PMS2: variants seen among roughly 807,000 people sequenced by gnomAD.
PMS2 encodes the protein PMS1 homolog 2, mismatch repair system component.
A neutral mutation model predicts 90.0 loss-of-function variants in PMS2; 69 were observed. That is an observed-to-expected ratio of 0.77 (90% CI 0.63 to 0.94). The LOEUF is 0.94. PMS2 is among the 40% of genes least tolerant of loss of function. The pLI is 0.00. For synonymous variants in PMS2, 332 were observed against 375.1 expected (o/e 0.89, Z 1.33); for missense variants, 966 against 1,040.2 (o/e 0.93, Z 0.98).
At chr7:5,993,862 CAAAAAAAAAAAAAAA>C (rs61677497) in intron 8 of PMS2, among the ~76,000 whole-genome samples, 2 of 38,940 alleles carry the variant, frequency 5.1e-5, no homozygotes, top group East Asian at 2.0e-3. Context: ...GACTCTGTCT[CAAAAAAAAAAAAAAA>C]AAAAAAAAAA....
intron 8 of PMS2, among the ~76,000 whole-genome samples, chr7:5,992,714 A>C (rs2128759934): frequency 6.6e-6 from 1 of 152,332 alleles, no homozygotes; most frequent in South Asian, 2.1e-4. Flanking sequence ...GTTTTGACAT[A>C]TACACAAACA....
In PMS2 at chr7:5,997,427, A is replaced by G. The variant is rs769605987; in HGVS notation, c.706-4T>C. On this transcript the variant is annotated splice_region_variant and splice_polypyrimidine_tract_variant and intron_variant, in intron 6 of 14. Transcript: ENST00000265849. ...CAAAAGGAATGAGGCTTTGCAACTGAAAAAAAAAAAAAAAAATTCACAGTT... is the reference window on the plus strand; with the variant it reads ...CAAAAGGAATGAGGCTTTGCAACTGGAAAAAAAAAAAAAAAATTCACAGTT... The G allele has an allele frequency of 3.5e-5, 4 of 115,540 alleles. No individual in the cohort carries two copies. Among genetic ancestry groups the G allele is most frequent in the Non-Finnish European group, 4.9e-5 (4 of 81,772 alleles). 7.2% of individuals were successfully genotyped at this position (115,540 alleles called of 1,614,324 possible). A position where few individuals can be genotyped will look rare whatever the true frequency, so the allele number is the denominator to read the frequency against.
intron 1 of PMS2, among the ~76,000 whole-genome samples, chr7:6,006,447 T>C (rs1343198203): frequency 1.3e-5 from 2 of 151,904 alleles, no homozygotes; most frequent in African/African-American, 4.8e-5. Flanking sequence ...AGGTCAGGAG[T>C]TCGACACCAG....
intron 6 of PMS2, among the ~76,000 whole-genome samples, chr7:5,998,764 G>A (rs1784731790): frequency 6.6e-6 from 1 of 151,452 alleles, no homozygotes; most frequent in African/African-American, 2.4e-5. Context: ...GGCCGAGGCT[G>A]GTGGATCACG....
intron 6 of PMS2, 113 bp from the exon 7 acceptor site, chr7:5,997,536 A>G: frequency 2.8e-6 from 2 of 705,144 alleles, no homozygotes; most frequent in South Asian, 3.4e-5. Context: ...AAAAATTAAA[A>G]GAATCTTTTG....
chr7:6,005,906 C>G lies in PMS2; in HGVS notation c.149G>C (p.Gly50Ala), dbSNP rs539285592. The change falls in exon 2 of 15, where the codon GGT becomes GCT. Residue 50 changes from glycine to alanine, a missense_variant. Physicochemically the swap from Gly to Ala is moderately conservative, Grantham distance 60 (BLOSUM62 0). Around this residue, in one of 2 missense-constraint regions of PMS2, gnomAD observed 871 missense variants for 802.4 expected, o/e 1.09. Coordinates refer to ENST00000265849, the MANE Select transcript of PMS2 (RefSeq NM_000535.7). ...KELVENSLDAGATNIDLKLKD... is the reference protein window; with the variant it reads ...KELVENSLDAAATNIDLKLKD... ...CCCAAACTTACCAATATTAGTGGCACCAGCATCCAGACTGTTTTCTACTAA... is the reference window on the plus strand; with the variant it reads ...CCCAAACTTACCAATATTAGTGGCAGCAGCATCCAGACTGTTTTCTACTAA... 1 of 1,610,834 alleles carries G rather than the reference C, an allele frequency of 6.2e-7. No individual in the cohort carries two copies. The highest frequency in any genetic ancestry group is 8.5e-7 in the Non-Finnish European group (1 of 1,179,850).
intron 12 of PMS2, among the ~76,000 whole-genome samples, chr7:5,979,489 G>GGATA (rs1199516796): frequency 6.1e-4 from 91 of 149,904 alleles, no homozygotes; most frequent in African/African-American, 2.1e-3. Context: ...CTTTCCTTAA[G>GGATA]GATAACAGTA....
Position 6,005,901 on chromosome 7 carries a change from T to G in PMS2, c.154A>C (p.Thr52Pro). 6.2e-7 allele frequency: 1 copy of G among 1,610,846 alleles called. No individual in the cohort carries two copies. Among genetic ancestry groups the G allele is most frequent in the South Asian group, 1.1e-5 (1 of 90,990 alleles). Residue 52 changes from threonine (T) to proline (P), a missense_variant, in exon 2 of 15, where the codon ACT (threonine) becomes CCT (proline). Transcript: ENST00000265849. Reference protein sequence around the residue: ...LVENSLDAGATNIDLKLKDYG... With the variant: ...LVENSLDAGAPNIDLKLKDYG... ...ACTCTCCCAAACTTACCAATATTAG[T>G]GGCACCAGCATCCAGACTGTTTTCT... is the stretch of plus-strand genomic sequence containing the variant.
intron 5 of PMS2, among the ~76,000 whole-genome samples, chr7:6,001,678 T>G (rs1421652961): frequency 6.6e-6 from 1 of 152,036 alleles, no homozygotes; most frequent in Admixed American, 6.5e-5. Context: ...CGAGAAATAT[T>G]CTTATTAAAA....
At chr7:6,003,869 G>A (rs1785399606) in intron 3 of PMS2, 77 bp from the exon 4 acceptor site, 7 of 1,271,146 alleles carry the variant, frequency 5.5e-6, no homozygotes, top group Middle Eastern at 1.9e-4. Flanking sequence ...TCTAGTAACT[G>A]GCTTTAAAAA....
intron 1 of PMS2, among the ~76,000 whole-genome samples, chr7:6,008,278 G>C (rs1478689096): frequency 6.6e-6 from 1 of 152,114 alleles, no homozygotes; most frequent in East Asian, 1.9e-4. Flanking sequence ...AATGCAGAGA[G>C]CAAATTTGCG....
Position 6,005,901 on chromosome 7 carries a change from T to C in PMS2, c.154A>G (p.Thr52Ala). The C allele has an allele frequency of 6.2e-7, 1 of 1,610,846 alleles. No homozygotes were observed. Among genetic ancestry groups the C allele is most frequent in the Non-Finnish European group, 8.5e-7 (1 of 1,179,840 alleles). Residue 52 changes from threonine (T) to alanine (A), a missense_variant, in exon 2 of 15, where the codon ACT (threonine) becomes GCT (alanine). Coordinates refer to ENST00000265849, the MANE Select transcript of PMS2 (RefSeq NM_000535.7). ...ACTCTCCCAAACTTACCAATATTAG[T>C]GGCACCAGCATCCAGACTGTTTTCT... is the stretch of plus-strand genomic sequence containing the variant. ...LVENSLDAGA[T>A]NIDLKLKDYG...
rs786203427 is a variant in PMS2, at chr7:5,987,348, C to T, written c.1417G>A (p.Glu473Lys). Residue 473 changes from glutamate to lysine, a missense_variant, in exon 11 of 15, where the codon GAG (glutamate) becomes AAG (lysine). Coordinates refer to ENST00000265849, the MANE Select transcript of PMS2 (RefSeq NM_000535.7). ...GGTCCGTGACTGGAACTCACTGCCT[C>T]TTTCTGAGGTCTCAGGACGCCTTTG... ...SDKGVLRPQK[E>K]AVSSSHGPSD... 4 of 1,614,050 alleles carry T rather than the reference C, an allele frequency of 2.5e-6. No homozygotes were observed. The highest frequency in any genetic ancestry group is 1.3e-5 in the African/African-American group (1 of 74,924).
rs372489724 is a variant in PMS2 at position 5,983,681 on chromosome 7, A to T, written c.2007-690T>A. Among the ~76,000 whole-genome samples the T allele has an allele frequency of 6.1e-3, 904 of 149,242 alleles. 8 individuals are homozygous for T. Among genetic ancestry groups the T allele is most frequent in the Non-Finnish European group, 1.0e-2 (674 of 67,508 alleles). Reference sequence around the variant, plus strand: ...TTTTTTTCTTTTAAGACGGAGTCTCACTCTCTGTTGCCCAGGCTGGACTGC... The same window carrying T: ...TTTTTTTCTTTTAAGACGGAGTCTCTCTCTCTGTTGCCCAGGCTGGACTGC... On this transcript the variant is annotated intron_variant, in intron 11 of 14. Coordinates refer to ENST00000265849, the MANE Select transcript of PMS2 (RefSeq NM_000535.7).
intron 6 of PMS2, among the ~76,000 whole-genome samples, chr7:5,998,883 G>A (rs1000923860): frequency 2.0e-5 from 3 of 151,374 alleles, no homozygotes; most frequent in Non-Finnish European, 2.9e-5. Context: ...CCCACTACTC[G>A]GGAGGCTGAG....
intron 10 of PMS2, among the ~76,000 whole-genome samples, chr7:5,987,963 G>C (rs1783233213): frequency 6.9e-6 from 1 of 144,570 alleles, no homozygotes; most frequent in Non-Finnish European, 1.5e-5. Flanking sequence ...TGAGGCACGA[G>C]AATCCCTTTA....
intron 6 of PMS2, among the ~76,000 whole-genome samples, chr7:5,997,979 CA>C (rs1784620910): frequency 6.6e-6 from 1 of 151,716 alleles, no homozygotes; most frequent in Middle Eastern, 3.2e-3. Flanking sequence ...ATATTTTTTT[CA>C]GAGAGAGAGT....
intron 8 of PMS2, among the ~76,000 whole-genome samples, chr7:5,993,637 T>G (rs1031054762): frequency 2.7e-5 from 4 of 147,870 alleles, no homozygotes; most frequent in Non-Finnish European, 6.0e-5. Flanking sequence ...CAGAGGCGGG[T>G]GGATCACGAG....
chr7:5,997,522 C>CA (rs1310187622), intron 6 of PMS2, 99 bp from the exon 7 acceptor site: 23 of 733,404 alleles, frequency 3.1e-5, no homozygotes, highest in Non-Finnish European at 4.0e-5. Context: ...ATTACAAGCG[C>CA]AAAAAAAATT....
Sources: gnomAD v4.1 joint callset for allele counts (sites outside exome capture counted in the v4.1 genomes callset) on GRCh38, gnomAD v4.1.1 for gene constraint, gnomAD v4.1.1 regional missense constraint, MANE v1.5 for transcripts, NCBI Gene and HGNC (gene_info 2026-07-23, HGNC 2026-07-21) for gene names.